The following GSE1 variants were observed in gnomAD, a reference collection of about 807,000 sequenced individuals.
GSE1 encodes the protein genetic suppressor element 1.
A neutral mutation model predicts 112.6 loss-of-function variants in GSE1; 32 were observed. The observed-to-expected ratio is 0.28, with a 90% confidence interval of 0.21 to 0.38. The LOEUF (loss-of-function observed/expected upper bound fraction) is 0.38. GSE1 is among the 10% of genes least tolerant of loss of function. GSE1 has a pLI of 1.00. For synonymous variants in GSE1, 1,115 were observed against 735.6 expected, an observed-to-expected ratio of 1.52 and a Z score of -8.35; for missense variants, 2,348 against 1,699.2, an observed-to-expected ratio of 1.38 and a Z score of -6.71.
chr16:85,179,317 C>T (rs558471945), intron 1 of GSE1, among the ~76,000 whole-genome samples: 21 of 152,324 alleles, frequency 1.4e-4, no homozygotes, highest in Middle Eastern at 6.8e-3. Context: ...TTCATCCATG[C>T]TGTTGCGTGG....
chr16:85,470,344 A>G (rs1195754188), intron 2 of GSE1, among the ~76,000 whole-genome samples: 2 of 152,144 alleles, frequency 1.3e-5, no homozygotes, highest in Admixed American at 6.5e-5. Context: ...CAGCCAGACT[A>G]AGCTCAGCAC....
At chr16:85,473,210 T>C (rs1345725314) in intron 2 of GSE1, among the ~76,000 whole-genome samples, 1 of 152,190 alleles carries the variant, frequency 6.6e-6, no homozygotes, top group Non-Finnish European at 1.5e-5. Flanking sequence ...TGAGACAGCA[T>C]TGAGTAAAAG....
chr16:85,279,499 C>CA (rs921814516), intron 1 of GSE1, among the ~76,000 whole-genome samples: 8 of 118,534 alleles, frequency 6.7e-5, no homozygotes, highest in Non-Finnish European at 1.5e-4. Context: ...CCCAGCCACT[C>CA]AAGGGGGGAT....
At chr16:85,248,312 G>C (rs2144004097) in intron 1 of GSE1, among the ~76,000 whole-genome samples, 1 of 152,216 alleles carries the variant, frequency 6.6e-6, no homozygotes, top group East Asian at 1.9e-4. Flanking sequence ...TTTGGATTCT[G>C]GGTCCTTCTG....
In GSE1 at chr16:85,517,859, G is replaced by A. The variant is rs182861984; in HGVS notation, c.2465-116055G>A. Among the ~76,000 whole-genome samples the A allele has an allele frequency of 1.0e-4, 16 of 152,384 alleles. No homozygotes were observed. The East Asian group carries it at 2.7e-3, about 26-fold the overall frequency. ...GGCTCCGCCGTGAAGAACGACAAGC[G>A]GAGCCGCGTGGTCGCGAAAGGCCTT... is the stretch of plus-strand genomic sequence containing the variant. On this transcript the variant is annotated intron_variant, in intron 2 of 2. Transcript: ENST00000637419.
intron 2 of GSE1, among the ~76,000 whole-genome samples, chr16:85,469,600 T>C (rs1479855057): frequency 6.6e-6 from 1 of 152,144 alleles, no homozygotes; most frequent in Non-Finnish European, 1.5e-5. Flanking sequence ...TGTGTGATGG[T>C]TAAAAATTCT....
chr16:85,304,628 T>G (rs2045624125), intron 1 of GSE1, among the ~76,000 whole-genome samples: 1 of 140,008 alleles, frequency 7.1e-6, no homozygotes, highest in East Asian at 2.2e-4. Context: ...CCTTTTGCCT[T>G]GAGTCCACCA....
chr16:85,533,398 C>T (rs909714466), intron 2 of GSE1, among the ~76,000 whole-genome samples: 4 of 151,952 alleles, frequency 2.6e-5, no homozygotes, highest in South Asian at 2.1e-4. Flanking sequence ...CCAGCCTGGG[C>T]GACACAGCGA....
At chr16:85,515,182 C>T (rs1032663687) in intron 2 of GSE1, among the ~76,000 whole-genome samples, 2 of 152,218 alleles carry the variant, frequency 1.3e-5, no homozygotes, top group Admixed American at 6.5e-5. Flanking sequence ...GTTTCCCAAT[C>T]GGCATTCCAG....
chr16:85,475,507 T>G (rs7405054), intron 2 of GSE1, among the ~76,000 whole-genome samples: 135,897 of 152,316 alleles, frequency 0.89, 60,914 homozygotes, highest in Middle Eastern at 0.96. Context: ...GCTGCCTGGA[T>G]CCTGTAATTG....
intron 10 of GSE1, 75 bp downstream of exon 10, chr16:85,663,168 C>T: frequency 8.0e-7 from 1 of 1,247,058 alleles, no homozygotes; most frequent in Non-Finnish European, 1.2e-6. Flanking sequence ...TGCAGTCCAC[C>T]CCACTGTTGC....
At chr16:85,443,738 G>A (rs370482701) in intron 2 of GSE1, among the ~76,000 whole-genome samples, 163 of 152,308 alleles carry the variant, frequency 1.1e-3, no homozygotes, top group African/African-American at 3.8e-3. Flanking sequence ...GGGGCCTAGC[G>A]TTTGGCTGAC....
intron 2 of GSE1, among the ~76,000 whole-genome samples, chr16:85,408,224 GC>G (rs1383949866): frequency 4.2e-4 from 4 of 9,496 alleles, no homozygotes; most frequent in Non-Finnish European, 3.7e-4. Flanking sequence ...TTACTCTCAG[GC>G]CCCCCTGGAT....
rs371061528 is a variant in GSE1 at position 85,586,389 on chromosome 16, G to GTGCC, written c.37+30027_37+30030dup. Among the ~76,000 whole-genome samples, 445 of 152,340 alleles carry GTGCC rather than the reference G, an allele frequency of 2.9e-3. 2 individuals are homozygous for GTGCC. The highest frequency in any genetic ancestry group is 3.0e-3 in the Non-Finnish European group (206 of 68,030). ...TGTCCGTGAGGTTCCCGAGTGCCGAGTGCCGGGAGGGACAGCCCCTCTCCT... is the reference window on the plus strand; with the variant it reads ...TGTCCGTGAGGTTCCCGAGTGCCGAGTGCCTGCCGGGAGGGACAGCCCCTCTCCT... On this transcript the variant is annotated intron_variant, in intron 1 of 2. Coordinates refer to the GSE1 transcript ENST00000635906.
At chr16:85,633,445 C>T (rs749137052) in intron 1 of GSE1, among the ~76,000 whole-genome samples, 66 of 152,198 alleles carry the variant, frequency 4.3e-4, no homozygotes, top group Admixed American at 2.1e-3. Flanking sequence ...GTGTGCTTGT[C>T]GCGTCAGTGG....
chr16:85,275,978 G>T (rs1597260295), intron 1 of GSE1, among the ~76,000 whole-genome samples: 1 of 152,358 alleles, frequency 6.6e-6, no homozygotes, highest in Middle Eastern at 3.4e-3. Flanking sequence ...TATGTCCTTG[G>T]CCTCAGGGTC....
intron 1 of GSE1, among the ~76,000 whole-genome samples, chr16:85,247,429 C>G (rs1016765042): frequency 6.6e-6 from 1 of 152,230 alleles, no homozygotes; most frequent in Non-Finnish European, 1.5e-5. Flanking sequence ...GAGGACTGTA[C>G]AGGCTCCAGA....
intron 1 of GSE1, among the ~76,000 whole-genome samples, chr16:85,324,225 G>A (rs962954354): frequency 3.3e-5 from 5 of 152,110 alleles, no homozygotes; most frequent in Admixed American, 6.5e-5. Flanking sequence ...TGAAAACATC[G>A]GTGGCCGGGC....
chr16:85,460,535 C>G lies in GSE1; in HGVS notation c.2464+102892C>G, dbSNP rs62050401. On this transcript the variant is annotated intron_variant, in intron 2 of 2. Transcript: ENST00000637419. Reference sequence around the variant, plus strand: ...GTAGTTCATGTAAAGCCCAGCACTTCGTTTCAAAAGTAAACTGACAGGCAG... The same window carrying G: ...GTAGTTCATGTAAAGCCCAGCACTTGGTTTCAAAAGTAAACTGACAGGCAG... 4.2e-3 allele frequency among the ~76,000 whole-genome samples: 643 copies of G among 152,332 alleles called. 3 individuals carry two copies. The highest frequency in any genetic ancestry group is 6.7e-3 in the Admixed American group (102 of 15,304).
Sources: gnomAD v4.1 joint callset for allele counts (sites outside exome capture counted in the v4.1 genomes callset) on GRCh38, gnomAD v4.1.1 for gene constraint, MANE v1.5 for transcripts, NCBI Gene and HGNC (gene_info 2026-07-23, HGNC 2026-07-21) for gene names.